Variants in RBFOX1 observed in about 807,000 individuals in gnomAD.
RBFOX1 encodes the protein RNA binding fox-1 homolog 1.
RBFOX1 carries 8 observed loss-of-function variants against 57.7 expected under a neutral mutation model. The observed-to-expected ratio is 0.14, with a 90% confidence interval of 0.08 to 0.25. The LOEUF is 0.25. Ranked by LOEUF, RBFOX1 falls within the 10% of genes least tolerant of loss-of-function variation. RBFOX1 has a pLI of 1.00. For synonymous variants in RBFOX1, 326 were observed against 222.4 expected (o/e 1.47, Z -4.15); for missense variants, 611 against 548.5 (o/e 1.11, Z -1.14).
At chr16:7,575,072 G>A (rs2093195602) in intron 5 of RBFOX1, among the ~76,000 whole-genome samples, 1 of 151,740 alleles carries the variant, frequency 6.6e-6, no homozygotes, top group Admixed American at 6.6e-5. Flanking sequence ...TGGGGGAGGA[G>A]GTCTTTGCAG....
intron 5 of RBFOX1, among the ~76,000 whole-genome samples, chr16:7,543,709 GTGTGTGTGTGTTTA>G (rs1376271131): frequency 5.2e-5 from 3 of 57,202 alleles, no homozygotes; most frequent in Non-Finnish European, 4.2e-5. Context: ...GTGTGTGTGT[GTGTGTGTGTGTTTA>G]TTTTTTATAT....
At chr16:6,842,153 AAAAAAT>A (rs1198973915) in intron 3 of RBFOX1, among the ~76,000 whole-genome samples, 2 of 138,328 alleles carry the variant, frequency 1.4e-5, no homozygotes, top group African/African-American at 5.7e-5. Context: ...AAAAAAAAAT[AAAAAAT>A]AAATAAATAA....
chr16:5,978,128 CAAAAAAAAAAAA>C (rs140908065), intron 4 of RBFOX1, among the ~76,000 whole-genome samples: 62 of 31,524 alleles, frequency 2.0e-3, no homozygotes, highest in African/African-American at 7.9e-3. Flanking sequence ...CTGTCTCTTC[CAAAAAAAAAAAA>C]AAAAAAAAAA....
chr16:7,229,762 G>GAGGAAGGGAGAGAGAGGA (rs1567805640), intron 4 of RBFOX1, among the ~76,000 whole-genome samples: 4 of 55,872 alleles, frequency 7.2e-5, no homozygotes, highest in African/African-American at 2.6e-4. Context: ...GAGAGAGAGG[G>GAGGAAGGGAGAGAGAGGA]AGGAAGGGAG....
chr16:7,141,722 C>T (rs2073838144), intron 4 of RBFOX1, among the ~76,000 whole-genome samples: 1 of 152,104 alleles, frequency 6.6e-6, no homozygotes, highest in African/African-American at 2.4e-5. Context: ...TCCTTTACCT[C>T]ATCATCCTAT....
intron 1 of RBFOX1, among the ~76,000 whole-genome samples, chr16:6,066,555 C>A (rs1167178480): frequency 1.3e-5 from 2 of 151,954 alleles, no homozygotes; most frequent in African/African-American, 2.4e-5. Context: ...AGCATGGATG[C>A]CATTTAAATA....
rs542829791 is a variant in RBFOX1 at position 6,086,287 on chromosome 16, C to T, written c.-127+66295C>T. Among the ~76,000 whole-genome samples the T allele has an allele frequency of 1.3e-4, 20 of 152,302 alleles. No individual in the cohort carries two copies. In the South Asian group the frequency reaches 4.1e-3, roughly 32 times the overall value. Reference sequence around the variant, plus strand: ...GGAACCCCTAGATGTCATTTGCATGCTAAGTGCTTTCCCCGACTGTGTTAT... The same window carrying T: ...GGAACCCCTAGATGTCATTTGCATGTTAAGTGCTTTCCCCGACTGTGTTAT... On this transcript the variant is annotated intron_variant, in intron 1 of 15. Coordinates refer to ENST00000550418, the MANE Select transcript of RBFOX1 (RefSeq NM_018723.4).
At chr16:6,726,150 T>C (rs1417768777) in intron 3 of RBFOX1, among the ~76,000 whole-genome samples, 1 of 152,140 alleles carries the variant, frequency 6.6e-6, no homozygotes, top group African/African-American at 2.4e-5. Context: ...TTTCCTTTTT[T>C]ACTGTTATTA....
chr16:7,089,783 C>G (rs947275649), intron 4 of RBFOX1, among the ~76,000 whole-genome samples: 4 of 152,186 alleles, frequency 2.6e-5, no homozygotes, highest in African/African-American at 7.2e-5. Context: ...TTTCTTCTCT[C>G]AGACCAATGC....
intron 2 of RBFOX1, among the ~76,000 whole-genome samples, chr16:5,472,222 C>T (rs2069161762): frequency 6.6e-6 from 1 of 152,160 alleles, no homozygotes; most frequent in South Asian, 2.1e-4. Flanking sequence ...GTTTCGGTTC[C>T]TCCTCACTCC....
At chr16:6,654,120 ATGGG>A (rs973949715) in intron 2 of RBFOX1, among the ~76,000 whole-genome samples, 1 of 141,254 alleles carries the variant, frequency 7.1e-6, no homozygotes, top group Non-Finnish European at 1.6e-5. Context: ...GGATGGATGG[ATGGG>A]TAGAGGACCA....
chr16:5,612,257 C>G (rs536594485), intron 3 of RBFOX1, among the ~76,000 whole-genome samples: 210 of 151,914 alleles, frequency 1.4e-3, no homozygotes, highest in Middle Eastern at 3.4e-3. Context: ...GTTCTCCCAT[C>G]CATCCATCTA....
intron 2 of RBFOX1, among the ~76,000 whole-genome samples, chr16:6,454,013 G>A (rs1004794844): frequency 6.6e-6 from 1 of 152,192 alleles, no homozygotes; most frequent in Non-Finnish European, 1.5e-5. Context: ...CTGCTTGGTT[G>A]GTAGATGGCC....
At chr16:5,249,729 G>A (rs1351207242) in intron 1 of RBFOX1, among the ~76,000 whole-genome samples, 2 of 152,226 alleles carry the variant, frequency 1.3e-5, no homozygotes, top group African/African-American at 2.4e-5. Context: ...AGCACTTTTG[G>A]AGGTCAAGGT....
At chr16:5,636,807 C>T (rs149306731) in intron 3 of RBFOX1, among the ~76,000 whole-genome samples, 1 of 152,144 alleles carries the variant, frequency 6.6e-6, no homozygotes, top group Non-Finnish European at 1.5e-5. Context: ...TGATTTAGGA[C>T]CGGCCTTTGG....
rs115851307 is a variant in RBFOX1 at position 7,651,967 on chromosome 16, G to A, written c.758-1848G>A. 3.4e-3 allele frequency among the ~76,000 whole-genome samples: 520 copies of A among 152,224 alleles called. 3 individuals are homozygous for A. Among genetic ancestry groups the A allele is most frequent in the African/African-American group, 0.012 (493 of 41,534 alleles). On this transcript the variant is annotated intron_variant, in intron 11 of 15. Coordinates refer to ENST00000550418, the MANE Select transcript of RBFOX1 (RefSeq NM_018723.4). The stretch of plus-strand genomic sequence containing the variant: ...GAAGCGAACTGAGCTTGAAGGAAAA[G>A]TGGTTTGCTGACTCTGTGGGCCCTG...
chr16:6,265,249 G>GT (rs1260055612), intron 1 of RBFOX1, among the ~76,000 whole-genome samples: 1 of 151,670 alleles, frequency 6.6e-6, no homozygotes, highest in African/African-American at 2.4e-5. Flanking sequence ...TTGACATTTT[G>GT]TTTTTTTGTT....
intron 3 of RBFOX1, among the ~76,000 whole-genome samples, chr16:6,906,734 T>G (rs2070075603): frequency 6.6e-6 from 1 of 151,618 alleles, no homozygotes; most frequent in African/African-American, 2.4e-5. Context: ...ATTTTTTTTT[T>G]TTTTTTGAGA....
At position 6,340,155 on chromosome 16, in the gene RBFOX1, A is replaced by C. The variant is rs1361666809; in HGVS notation, c.-64+23098A>C. 2.0e-5 allele frequency among the ~76,000 whole-genome samples: 3 copies of C among 152,082 alleles called. No homozygotes were observed. In the East Asian group the frequency reaches 5.8e-4, roughly 29 times the overall value. On this transcript the variant is annotated intron_variant, in intron 2 of 15. Coordinates refer to ENST00000550418, the MANE Select transcript of RBFOX1 (RefSeq NM_018723.4). ...ATATTTCTGCCCAAAATTCTTGTTA[A>C]CCATGTGAGGATGGCTTCAGTGCTA...
Sources: allele counts gnomAD v4.1 joint callset (sites outside exome capture counted in the v4.1 genomes callset), GRCh38; gene constraint gnomAD v4.1.1; transcripts MANE v1.5; gene names NCBI Gene and HGNC (gene_info 2026-07-23, HGNC 2026-07-21).